The following CFAP46 variants were observed in gnomAD, a reference collection of about 807,000 sequenced individuals.
CFAP46 encodes cilia and flagella associated protein 46.
A neutral mutation model predicts 325.7 loss-of-function variants in CFAP46; 245 were observed. The observed-to-expected ratio is 0.75, with a 90% CI of 0.68 to 0.84. CFAP46 has a LOEUF of 0.84. Among genes scored for constraint, CFAP46 ranks in the 40% least tolerant of loss-of-function variants. The pLI is 0.00. For synonymous variants in CFAP46, 1,523 were observed against 1,495.9 expected (o/e 1.02, Z -0.42); for missense variants, 3,346 against 3,543.0 (o/e 0.94, Z 1.41).
intron 38 of CFAP46, 103 bp downstream of exon 38, chr10:132,858,968 G>T (rs2135214721): frequency 8.0e-7 from 1 of 1,249,688 alleles, no homozygotes; most frequent in East Asian, 2.6e-5. Context: ...CCCCGCGGGG[G>T]TGCAGCCGGG....
Position 132,919,347 on chromosome 10 carries a change from T to C in CFAP46, c.1826A>G (p.Asn609Ser). Residue 609 changes from asparagine (N) to serine (S), a missense_variant, in exon 15 of 58, where the codon AAC becomes AGC. Coordinates refer to ENST00000368586, the MANE Select transcript of CFAP46 (RefSeq NM_001200049.3). This position sits in a 1 kb window ranked among gnomAD's most constrained non-coding sequence, Gnocchi z 9.7. Reference protein sequence around the residue: ...TASRFCLLYDNVKVKKLRLRR... With the variant: ...TASRFCLLYDSVKVKKLRLRR... ...CAGCCTCAACTTCTTCACCTTGACG[T>C]TGTCATACAGGAGGCAGAAGCGGCT... is the stretch of plus-strand genomic sequence containing the variant. The C allele has an allele frequency of 6.5e-7, 1 of 1,550,106 alleles. No individual in the cohort carries two copies. The highest frequency in any genetic ancestry group is 8.7e-7 in the Non-Finnish European group (1 of 1,146,858).
At chr10:132,916,088 G>A (rs576949780) in intron 17 of CFAP46, among the ~76,000 whole-genome samples, 8 of 152,288 alleles carry the variant, frequency 5.3e-5, no homozygotes, top group South Asian at 4.1e-4. Flanking sequence ...CACACAAGGC[G>A]TTTTCGAGGC....
At chr10:132,893,570 T>C (rs1849282581) in intron 24 of CFAP46, among the ~76,000 whole-genome samples, 1 of 152,234 alleles carries the variant, frequency 6.6e-6, no homozygotes, top group Non-Finnish European at 1.5e-5. Context: ...ATCCTGCCTT[T>C]CTCACCCTTC....
rs959874830 is a variant in CFAP46 at position 132,809,686 on chromosome 10, G to A, written c.7664+723C>T. Among the ~76,000 whole-genome samples, 5 of 152,118 alleles carry A rather than the reference G, an allele frequency of 3.3e-5. No individual in the cohort carries two copies. In the East Asian group the frequency reaches 7.7e-4, roughly 24 times the overall value. ...GGAAGCTCCTCTGTGGCTCCTCCCC[G>A]GGGTCCCGGGAAGCTCCTTTCTGGC... On this transcript the variant is annotated intron_variant, in intron 57 of 57. Transcript: ENST00000368586.
intron 50 of CFAP46, among the ~76,000 whole-genome samples, chr10:132,816,881 G>A (rs562812014): frequency 6.6e-6 from 1 of 152,282 alleles, no homozygotes; most frequent in African/African-American, 2.4e-5. Context: ...CCCTCATCAC[G>A]CTGTGGCCTC....
At chr10:132,915,810 G>A (rs562519897) in intron 17 of CFAP46, among the ~76,000 whole-genome samples, 4 of 152,336 alleles carry the variant, frequency 2.6e-5, no homozygotes, top group South Asian at 4.1e-4. Flanking sequence ...CCAACATGGA[G>A]AAACAACGCA....
In CFAP46 at chr10:132,892,232, G is replaced by C. The variant is rs114399182; in HGVS notation, c.3304+101C>G. On this transcript the variant is annotated intron_variant, in intron 25 of 57. Transcript: ENST00000368586. ...TGGAGTTACTGCCAAGTGGCTTCAC[G>C]TCAGGGCATGGGAATTTAAAAGCAC... 1.6e-4 allele frequency: 180 copies of C among 1,126,922 alleles called. 2 individuals carry two copies. In the South Asian group the frequency reaches 2.5e-3, roughly 15 times the overall value. The allele number at this position is 1,126,922 out of a possible 1,614,324, so 69.8% of individuals were successfully genotyped here. A position where few individuals can be genotyped will look rare whatever the true frequency, so the allele number is the denominator to read the frequency against.
rs1849580961 is a variant in CFAP46 at position 132,913,172 on chromosome 10, A to G, written c.2207T>C (p.Ile736Thr). ...GACGTAGACCACGGCGTTCTGCACA[A>G]TCCACGCCTCCTGGATCTCCTGTCC... ...EIGQEIQEAW[I>T]VQNAVVYVLN... Residue 736 changes from isoleucine to threonine, a missense_variant, in exon 18 of 58, where the codon ATT becomes ACT. Ile to Thr is a moderately conservative substitution (Grantham distance 89). Transcript: ENST00000368586. 2 of 1,550,416 alleles carry G rather than the reference A, an allele frequency of 1.3e-6. No individual in the cohort carries two copies. Among genetic ancestry groups the G allele is most frequent in the South Asian group, 1.2e-5 (1 of 84,054 alleles).
Position 132,877,967 on chromosome 10 carries a change from C to A in CFAP46, c.4126G>T (p.Glu1376Ter). Residue 1376 changes from glutamate to a stop codon, truncating the protein, a stop_gained, in exon 30 of 58, where the codon GAG (glutamate) becomes TAG (stop). Coordinates refer to ENST00000368586, the MANE Select transcript of CFAP46 (RefSeq NM_001200049.3). LOFTEE classifies it high-confidence loss of function. This position sits in a 1 kb window ranked among gnomAD's most constrained non-coding sequence, Gnocchi z 5.7. ...ENERSKEKEKERSKEKENERS... is the reference protein window; with the variant it reads ...ENERSKEKEK ...TCATTCTCCTTCTCTTTACTCCTCT[C>A]CTTCTCCTTCTCTTTACTCCTCTCA... 1 of 1,549,510 alleles carries A rather than the reference C, an allele frequency of 6.5e-7. No homozygotes were observed. The highest frequency in any genetic ancestry group is 1.7e-4 in the Middle Eastern group (1 of 5,984).
rs375698579 is a variant in CFAP46, at chr10:132,821,520, G to A, written c.7118-6606C>T. 2.2e-5 allele frequency among the ~76,000 whole-genome samples: 3 copies of A among 138,890 alleles called. No individual in the cohort carries two copies. The East Asian group carries it at 7.0e-4, about 33-fold the overall frequency. 91.1% of individuals were successfully genotyped at this position (138,890 alleles called of 152,430 possible). A position where few individuals can be genotyped will look rare whatever the true frequency, so the allele number is the denominator to read the frequency against. On this transcript the variant is annotated intron_variant, in intron 50 of 57. Coordinates refer to ENST00000368586, the MANE Select transcript of CFAP46 (RefSeq NM_001200049.3). ...ATGTGTGCTGTGTGCGCTGTGTGCT[G>A]TGTGCTGATGTGTGCTGATGTGTGC... is the stretch of plus-strand genomic sequence containing the variant.
In CFAP46 at chr10:132,886,089, C is replaced by T. The variant is rs1591072170; in HGVS notation, c.3305-130G>A. On this transcript the variant is annotated intron_variant, in intron 25 of 57. Coordinates refer to ENST00000368586, the MANE Select transcript of CFAP46 (RefSeq NM_001200049.3). This position sits in a 1 kb window ranked among gnomAD's most constrained non-coding sequence, Gnocchi z 5.8. ...AACCGCGGCTACAGAGGTGCCCAGG[C>T]CAGCGCATGCCCCGCAGGGCTGAAG... is the stretch of plus-strand genomic sequence containing the variant. 7 of 1,247,782 alleles carry T rather than the reference C, an allele frequency of 5.6e-6. No individual in the cohort carries two copies. In the East Asian group the frequency reaches 1.0e-4, roughly 18 times the overall value. The allele number at this position is 1,247,782 out of a possible 1,614,324, so 77.3% of individuals were successfully genotyped here.
chr10:132,837,444 T>C (rs566426754), intron 44 of CFAP46, among the ~76,000 whole-genome samples: 259 of 143,280 alleles, frequency 1.8e-3, no homozygotes, highest in African/African-American at 6.7e-3. Context: ...CACCCGTGCA[T>C]AGACGTGCTC....
At position 132,877,064 on chromosome 10, in the gene CFAP46, G is replaced by A. The variant is rs973105566; in HGVS notation, c.4213-103C>T. On this transcript the variant is annotated intron_variant, in intron 30 of 57. Transcript: ENST00000368586. This position sits in a 1 kb window ranked among gnomAD's most constrained non-coding sequence, Gnocchi z 5.7. ...TGTGCAGCATTCAGGCCACAGCCCT[G>A]GGCAGCCGGCATCCTCCCCACCACC... 1.6e-5 allele frequency: 19 copies of A among 1,215,970 alleles called. No homozygotes were observed. The highest frequency in any genetic ancestry group is 2.2e-5 in the Non-Finnish European group (19 of 880,216). 75.3% of individuals were successfully genotyped at this position (1,215,970 alleles called of 1,614,324 possible).
chr10:132,821,721 T>TGTGC (rs1565035560), intron 50 of CFAP46, among the ~76,000 whole-genome samples: 3 of 124,786 alleles, frequency 2.4e-5, no homozygotes, highest in Non-Finnish European at 1.7e-5. Context: ...GTGTGCTGTG[T>TGTGC]GCTGACGTGT....
chr10:132,895,672 C>T (rs1020519050), intron 24 of CFAP46, among the ~76,000 whole-genome samples: 1 of 152,186 alleles, frequency 6.6e-6, no homozygotes, highest in Non-Finnish European at 1.5e-5. Context: ...TTTTATTCAC[C>T]AGGAATGAAA....
intron 22 of CFAP46, among the ~76,000 whole-genome samples, chr10:132,907,867 CGTCT>C (rs921367303): frequency 3.2e-4 from 48 of 152,326 alleles, no homozygotes; most frequent in African/African-American, 1.2e-3. Flanking sequence ...CGGGAGGCGC[CGTCT>C]GTGAGACAGG....
intron 24 of CFAP46, chr10:132,898,489 T>G: frequency 3.3e-6 from 1 of 299,194 alleles, no homozygotes; most frequent in Non-Finnish European, 6.5e-6. Flanking sequence ...GGTTGCCCCA[T>G]CCCCTGGGCC....
At position 132,941,052 on chromosome 10, in the gene CFAP46, A is replaced by G. The variant is rs763461919; in HGVS notation, c.315T>C (p.Phe105=). 2 of 1,614,142 alleles carry G rather than the reference A, an allele frequency of 1.2e-6. No individual in the cohort carries two copies. The highest frequency in any genetic ancestry group is 1.7e-6 in the Non-Finnish European group (2 of 1,180,032). Residue 105 remains phenylalanine, a synonymous_variant, in exon 4 of 58, where the codon TTT becomes TTC. Coordinates refer to ENST00000368586, the MANE Select transcript of CFAP46 (RefSeq NM_001200049.3). ...APKSAENLEE[F]ENCVTEYMKA... is the part of the protein sequence containing the mutation. ...TCATGTACTCAGTCACGCAATTTTC[A>G]AATTCCTCCTAAGGCAACATAAAGA... is the stretch of plus-strand genomic sequence containing the variant.
chr10:132,909,843 C>T, intron 20 of CFAP46, 76 bp downstream of exon 20: 1 of 1,329,742 alleles, frequency 7.5e-7, no homozygotes, highest in Non-Finnish European at 9.7e-7. Context: ...CCGGGGGCCC[C>T]ACCACCCCCG....
Sources: gnomAD v4.1 joint callset for allele counts (sites outside exome capture counted in the v4.1 genomes callset) on GRCh38, gnomAD v4.1.1 for gene constraint, Gnocchi (gnomAD v3.1) non-coding constraint, MANE v1.5 for transcripts, NCBI Gene and HGNC (gene_info 2026-07-23, HGNC 2026-07-21) for gene names.